GLUD1: variants seen among roughly 807,000 people sequenced by gnomAD.
The protein encoded by GLUD1 is glutamate dehydrogenase 1, mitochondrial.
A neutral mutation model predicts 56.0 loss-of-function variants in GLUD1; 22 were observed. That is an observed-to-expected ratio of 0.39 (90% CI 0.28 to 0.56). The LOEUF (loss-of-function observed/expected upper bound fraction) is 0.56, where lower values mean the gene tolerates loss of function less well. GLUD1 is among the 20% of genes least tolerant of loss of function. GLUD1 has a pLI of 0.58. For missense variants in GLUD1, 451 were observed against 732.0 expected, an observed-to-expected ratio of 0.62 and a Z score of 4.43; for synonymous variants, 223 against 269.9, an observed-to-expected ratio of 0.83 and a Z score of 1.70.
chr10:87,057,910 C>T (rs1382637795), intron 10 of GLUD1, 128 bp from the exon 11 acceptor site: 8 of 658,696 alleles, frequency 1.2e-5, no homozygotes, highest in Non-Finnish European at 2.2e-5. Flanking sequence ...GGTCTGTCAC[C>T]CAGGCTGGAG....
At chr10:87,079,494 A>T (rs1159846193) in intron 1 of GLUD1, among the ~76,000 whole-genome samples, 1 of 152,252 alleles carries the variant, frequency 6.6e-6, no homozygotes, top group East Asian at 1.9e-4. Flanking sequence ...GTGCTTTTCA[A>T]ATTATTCAAA....
chr10:87,059,257 G>A lies in GLUD1; in HGVS notation c.1295C>T (p.Ala432Val). The A allele has an allele frequency of 1.2e-6, 2 of 1,613,344 alleles. No individual in the cohort carries two copies. The highest frequency in any genetic ancestry group is 1.7e-6 in the Non-Finnish European group (2 of 1,179,334). ...AAAGTAAGATACTGTCACTCCTCCA[G>A]CATTCAAGTAGAGATCCTATGCACA... is the stretch of plus-strand genomic sequence containing the variant. ...IMVIPDLYLN[A>V]GGVTVSYFEW... The change falls in exon 10 of 13, where the codon GCT becomes GTT. Residue 432 changes from alanine (A) to valine (V), a missense_variant. This residue lies in a region of GLUD1 where 248 missense variants were observed against 460.0 expected (regional missense o/e 0.54). Transcript: ENST00000277865.
intron 4 of GLUD1, among the ~76,000 whole-genome samples, chr10:87,072,233 T>C (rs1349659688): frequency 6.6e-6 from 1 of 152,180 alleles, no homozygotes; most frequent in African/African-American, 2.4e-5. Context: ...TGTCTGGTAC[T>C]CCAGCCTGGG....
chr10:87,087,077 C>G (rs1032195626), intron 1 of GLUD1, among the ~76,000 whole-genome samples: 3 of 152,186 alleles, frequency 2.0e-5, no homozygotes, highest in African/African-American at 7.2e-5. Context: ...GGCACCCACA[C>G]TTCTGTCCAA....
intron 12 of GLUD1, 143 bp from the exon 13 acceptor site, chr10:87,052,013 T>G: frequency 4.4e-6 from 4 of 904,922 alleles, no homozygotes; most frequent in Non-Finnish European, 5.5e-6. Context: ...CAAACTACTC[T>G]AGCAGCAGAA....
At chr10:87,083,835 A>G (rs1373125749) in intron 1 of GLUD1, among the ~76,000 whole-genome samples, 2 of 151,542 alleles carry the variant, frequency 1.3e-5, no homozygotes, top group Non-Finnish European at 1.5e-5. Flanking sequence ...ACACACACAC[A>G]CACGCACACA....
chr10:87,062,710 G>A lies in GLUD1; in HGVS notation c.867C>T (p.Tyr289=), dbSNP rs777548681. The change falls in exon 6 of 13, where the codon TAC becomes TAT. Residue 289 remains tyrosine, a synonymous_variant. Coordinates refer to ENST00000277865, the MANE Select transcript of GLUD1 (RefSeq NM_005271.5). ...GIENFINEAS[Y]MSILGMTPGF... Reference sequence around the variant, plus strand: ...CTGGTGTCATTCCTAAAATGCTCATGTAAGAAGCTTCATTGATGAAATTTT... The same window carrying A: ...CTGGTGTCATTCCTAAAATGCTCATATAAGAAGCTTCATTGATGAAATTTT... 3 of 1,614,016 alleles carry A rather than the reference G, an allele frequency of 1.9e-6. No homozygotes were observed. The highest frequency in any genetic ancestry group is 2.5e-6 in the Non-Finnish European group (3 of 1,179,912).
At chr10:87,087,341 C>T (rs1365848187) in intron 1 of GLUD1, among the ~76,000 whole-genome samples, 1 of 152,170 alleles carries the variant, frequency 6.6e-6, no homozygotes, top group Non-Finnish European at 1.5e-5. Flanking sequence ...CCCCATACTC[C>T]AGCCATCAGT....
intron 6 of GLUD1, 153 bp from the exon 7 acceptor site, chr10:87,061,205 C>A (rs1042738475): frequency 2.5e-6 from 2 of 792,126 alleles, no homozygotes; most frequent in East Asian, 2.5e-5. Context: ...ACTGGTTTCT[C>A]TTCAACAATA....
At position 87,060,165 on chromosome 10, in the gene GLUD1, A is replaced by G; in HGVS notation, c.1274T>C (p.Ile425Thr). Residue 425 changes from isoleucine to threonine, a missense_variant, in exon 9 of 13, where the codon ATT (isoleucine) becomes ACT (threonine). Ile to Thr is a moderately conservative substitution (Grantham distance 89). This residue lies in a region of GLUD1 where 248 missense variants were observed against 460.0 expected (regional missense o/e 0.54). Coordinates refer to ENST00000277865, the MANE Select transcript of GLUD1 (RefSeq NM_005271.5). ...KIFLERNIMV[I>T]PDLYLNAGGV... ...TAATAAATATAGATGACTTACTGGA[A>G]TAACCATAATGTTTCTCTCCAGGAA... 2 of 1,589,130 alleles carry G rather than the reference A, an allele frequency of 1.3e-6. No homozygotes were observed. Among genetic ancestry groups the G allele is most frequent in the Admixed American group, 1.7e-5 (1 of 60,008 alleles).
chr10:87,062,327 A>T (rs1372628171), intron 6 of GLUD1, among the ~76,000 whole-genome samples: 4 of 152,260 alleles, frequency 2.6e-5, no homozygotes, highest in Non-Finnish European at 4.4e-5. Flanking sequence ...CTATATACTT[A>T]CAAAACTTAG....
At chr10:87,070,178 G>A (rs1564771273) in intron 4 of GLUD1, among the ~76,000 whole-genome samples, 1 of 152,190 alleles carries the variant, frequency 6.6e-6, no homozygotes. Context: ...ACTAGGCCGG[G>A]GCAGTGGCTT....
At chr10:87,081,504 A>T (rs945663835) in intron 1 of GLUD1, among the ~76,000 whole-genome samples, 38 of 152,306 alleles carry the variant, frequency 2.5e-4, no homozygotes, top group African/African-American at 9.1e-4. Context: ...TGGAATAGAA[A>T]GCGGGGAAAG....
chr10:87,053,699 G>A (rs1484374668), intron 11 of GLUD1, among the ~76,000 whole-genome samples: 1 of 152,176 alleles, frequency 6.6e-6, no homozygotes, highest in African/African-American at 2.4e-5. Flanking sequence ...ATGAGGGCAT[G>A]GAGTGAGATG....
chr10:87,063,372 A>T (rs960120351), intron 5 of GLUD1, among the ~76,000 whole-genome samples: 1 of 152,092 alleles, frequency 6.6e-6, no homozygotes, highest in East Asian at 1.9e-4. Flanking sequence ...CACGCCCGGC[A>T]AAGTAGACCA....
intron 1 of GLUD1, among the ~76,000 whole-genome samples, chr10:87,079,915 CCCCTCT>C (rs1478277820): frequency 0.016 from 1,962 of 120,988 alleles, 66 homozygotes; most frequent in African/African-American, 0.062. Context: ...CCTCCCCCTC[CCCCTCT>C]CCCTCCCCCT....
At chr10:87,068,865 TA>T (rs1439309010) in intron 4 of GLUD1, among the ~76,000 whole-genome samples, 1 of 151,652 alleles carries the variant, frequency 6.6e-6, no homozygotes, top group African/African-American at 2.4e-5. Flanking sequence ...AGATCTCTGA[TA>T]AAAACATGTT....
intron 1 of GLUD1, among the ~76,000 whole-genome samples, chr10:87,085,340 T>TC (rs1034702627): frequency 1.8e-4 from 22 of 120,348 alleles, no homozygotes; most frequent in African/African-American, 7.0e-4. Flanking sequence ...AGAGTGAGAC[T>TC]CCGTCTCCAA....
chr10:87,069,949 T>C (rs1314290583), intron 4 of GLUD1, among the ~76,000 whole-genome samples: 2 of 152,244 alleles, frequency 1.3e-5, no homozygotes, highest in Admixed American at 1.3e-4. Context: ...CCTCATCCAC[T>C]GACAAAAGGG....
Sources: allele counts gnomAD v4.1 joint callset (sites outside exome capture counted in the v4.1 genomes callset), GRCh38; gene constraint gnomAD v4.1.1; regional missense constraint gnomAD v4.1.1; transcripts MANE v1.5; gene names NCBI Gene and HGNC (gene_info 2026-07-23, HGNC 2026-07-21).